CMTR1: variants seen among roughly 807,000 people sequenced by gnomAD.
CMTR1 encodes cap methyltransferase 1, also known as cap-specific mRNA (nucleoside-2'-O-)-methyltransferase 1.
Under a neutral mutation model 107.0 loss-of-function variants are expected in CMTR1, and 39 were observed. The ratio of observed to expected loss-of-function variants is 0.36; its 90% CI spans 0.28 to 0.48. The LOEUF (loss-of-function observed/expected upper bound fraction) is 0.48. Among genes scored for constraint, CMTR1 ranks in the 20% least tolerant of loss-of-function variants. The pLI, the probability that CMTR1 is intolerant of heterozygous loss-of-function variation, is 0.99. For synonymous variants in CMTR1, 366 were observed against 379.5 expected, an observed-to-expected ratio of 0.96 and a Z score of 0.41; for missense variants, 672 against 1,064.9, an observed-to-expected ratio of 0.63 and a Z score of 5.14.
intron 13 of CMTR1, among the ~76,000 whole-genome samples, chr6:37,465,446 T>G (rs967662217): frequency 1.3e-5 from 2 of 152,226 alleles, no homozygotes; most frequent in Admixed American, 6.5e-5. Flanking sequence ...TCAATATGTA[T>G]TTCTGTGACA....
At position 37,472,401 on chromosome 6, in the gene CMTR1, T is replaced by A. The variant is rs780532260; in HGVS notation, c.1621-18T>A. 4.3e-6 allele frequency: 7 copies of A among 1,613,898 alleles called. No individual in the cohort carries two copies. The Admixed American group carries it at 5.0e-5, about 12-fold the overall frequency. On this transcript the variant is annotated intron_variant, in intron 15 of 23. Coordinates refer to ENST00000373451, the MANE Select transcript of CMTR1 (RefSeq NM_015050.3). This position sits in a 1 kb window ranked among gnomAD's most constrained non-coding sequence, Gnocchi z 4.1. ...AAAGGGCATTTGAAAGTCAAAGCTCTTTGCTGTCTTATTTCAGATCCCAGA... is the reference window on the plus strand; with the variant it reads ...AAAGGGCATTTGAAAGTCAAAGCTCATTGCTGTCTTATTTCAGATCCCAGA...
At position 37,435,670 on chromosome 6, in the gene CMTR1, A is replaced by C; in HGVS notation, c.41A>C (p.Lys14Thr). 6.2e-7 allele frequency: 1 copy of C among 1,601,394 alleles called. No individual in the cohort carries two copies. Among genetic ancestry groups the C allele is most frequent in the South Asian group, 1.1e-5 (1 of 88,444 alleles). Residue 14 changes from lysine to threonine, a missense_variant, in exon 2 of 24, where the codon AAG becomes ACG. Physicochemically the swap from Lys to Thr is moderately conservative, Grantham distance 78. Around this residue, in one of 2 missense-constraint regions of CMTR1, gnomAD observed 89 missense variants for 96.6 expected, o/e 0.92. Transcript: ENST00000373451. Reference protein sequence around the residue: ...RTDPECTAPIKKQKKRVAELA... With the variant: ...RTDPECTAPITKQKKRVAELA... The stretch of plus-strand genomic sequence containing the variant: ...GACCCAGAATGCACTGCCCCCATCA[A>C]GAAACAGAAAAAAAGAGTTGCAGAG...
At chr6:37,478,876 C>T (rs1447483395) in intron 22 of CMTR1, among the ~76,000 whole-genome samples, 1 of 152,168 alleles carries the variant, frequency 6.6e-6, no homozygotes, top group Non-Finnish European at 1.5e-5. Context: ...CTCTGGCTAA[C>T]AGAGTCCTAC....
intron 4 of CMTR1, among the ~76,000 whole-genome samples, chr6:37,450,046 C>T (rs185007837): frequency 4.6e-5 from 7 of 152,260 alleles, no homozygotes; most frequent in South Asian, 2.1e-4. Context: ...GGATTCTAAC[C>T]AGAATTGGAG....
chr6:37,476,514 TTTAATTTTTTTTCAGG>T lies in CMTR1; in HGVS notation c.2105+322_2105+337del, dbSNP rs1451661363. 1.1e-4 allele frequency among the ~76,000 whole-genome samples: 16 copies of T among 152,320 alleles called. No homozygotes were observed. The East Asian group carries it at 2.5e-3, about 24-fold the overall frequency. ...GCATTGTTAGCACATTACCTGGCCT[TTTAATTTTTTTTCAGG>T]TAAGAAATGGGTGCTGAGGGAATAG... is the stretch of plus-strand genomic sequence containing the variant. On this transcript the variant is annotated intron_variant, in intron 20 of 23. Transcript: ENST00000373451.
intron 20 of CMTR1, among the ~76,000 whole-genome samples, chr6:37,476,826 T>C (rs1761747661): frequency 6.6e-6 from 1 of 152,274 alleles, no homozygotes; most frequent in Non-Finnish European, 1.5e-5. Flanking sequence ...ATTTACACTT[T>C]ATCCACATTG....
At chr6:37,447,890 A>G (rs1239804895) in intron 4 of CMTR1, among the ~76,000 whole-genome samples, 7 of 149,262 alleles carry the variant, frequency 4.7e-5, no homozygotes, top group African/African-American at 1.7e-4. Flanking sequence ...AAGCCCTATA[A>G]GTAAGTAAAC....
intron 1 of CMTR1, among the ~76,000 whole-genome samples, chr6:37,434,433 C>A (rs1227252425): frequency 6.6e-6 from 1 of 152,112 alleles, no homozygotes; most frequent in Non-Finnish European, 1.5e-5. Flanking sequence ...TTTCTGAGTT[C>A]TCTACAGCCA....
chr6:37,429,749 C>T (rs965502593), upstream of CMTR1, among the ~76,000 whole-genome samples: 1 of 152,096 alleles, frequency 6.6e-6, no homozygotes, highest in Non-Finnish European at 1.5e-5. Flanking sequence ...ACCAGCCTGG[C>T]CAATATGGTA....
Position 37,472,310 on chromosome 6 carries a change from C to A in CMTR1, c.1621-109C>A. Reference sequence around the variant, plus strand: ...TCAGCCTAGCCTCCTTTGTTGTGTGCCATTCCTCCTCCCCAGTCTGACCCT... The same window carrying A: ...TCAGCCTAGCCTCCTTTGTTGTGTGACATTCCTCCTCCCCAGTCTGACCCT... On this transcript the variant is annotated intron_variant, in intron 15 of 23. Coordinates refer to ENST00000373451, the MANE Select transcript of CMTR1 (RefSeq NM_015050.3). The surrounding 1 kb of genome is among the most constrained non-coding windows in gnomAD (Gnocchi z 4.1). 1.1e-6 allele frequency: 1 copy of A among 947,042 alleles called. No individual in the cohort carries two copies. The allele number at this position is 947,042 out of a possible 1,614,324, so 58.7% of individuals were successfully genotyped here. A position where few individuals can be genotyped will look rare whatever the true frequency, so the allele number is the denominator to read the frequency against.
upstream of CMTR1, among the ~76,000 whole-genome samples, chr6:37,431,816 T>G (rs2113857597): frequency 6.6e-6 from 1 of 152,104 alleles, no homozygotes; most frequent in East Asian, 1.9e-4. Flanking sequence ...ATGTTTTGTT[T>G]TGTTGTGTTC....
At chr6:37,441,950 G>A (rs554234690) in intron 2 of CMTR1, among the ~76,000 whole-genome samples, 1 of 152,282 alleles carries the variant, frequency 6.6e-6, no homozygotes, top group African/African-American at 2.4e-5. Context: ...CAGATTTTGT[G>A]CCTCTCATAC....
chr6:37,468,177 G>A lies in CMTR1; in HGVS notation c.1506-2844G>A, dbSNP rs1294650377. Among the ~76,000 whole-genome samples, 5 of 139,338 alleles carry A rather than the reference G, an allele frequency of 3.6e-5. No individual in the cohort carries two copies. The South Asian group carries it at 6.8e-4, about 19-fold the overall frequency. 91.4% of individuals were successfully genotyped at this position (139,338 alleles called of 152,430 possible). On this transcript the variant is annotated intron_variant, in intron 13 of 23. Transcript: ENST00000373451. Reference sequence around the variant, plus strand: ...TTAGATGCCTTTTTTTTTTTGCTATGTTTCAATTGTTGCTGTAGAGATTAC... The same window carrying A: ...TTAGATGCCTTTTTTTTTTTGCTATATTTCAATTGTTGCTGTAGAGATTAC...
At position 37,441,179 on chromosome 6, in the gene CMTR1, G is replaced by T. The variant is rs552230408; in HGVS notation, c.134-2820G>T. 1.2e-4 allele frequency among the ~76,000 whole-genome samples: 19 copies of T among 152,294 alleles called. 1 individual carries two copies. The South Asian group carries it at 3.5e-3, about 28-fold the overall frequency. ...AGGCATGAAAGCAACTGAGTGAAGA[G>T]AATCCATACCTTTGGAAGTGCAGTT... On this transcript the variant is annotated intron_variant, in intron 2 of 23. Coordinates refer to ENST00000373451, the MANE Select transcript of CMTR1 (RefSeq NM_015050.3).
chr6:37,424,673 ATTGT>A, the CMTR1 span, among the ~76,000 whole-genome samples: 1 of 152,138 alleles, frequency 6.6e-6, no homozygotes, highest in Non-Finnish European at 1.5e-5. Flanking sequence ...TACGCTAATA[ATTGT>A]TTTTTTTAAT....
Position 37,458,635 on chromosome 6 carries a change from A to G in CMTR1, c.801A>G (p.Glu267=), listed in dbSNP as rs748735804. Residue 267 remains glutamate, a synonymous_variant, in exon 9 of 24, where the codon GAA becomes GAG. Transcript: ENST00000373451. This position sits in a 1 kb window ranked among gnomAD's most constrained non-coding sequence, Gnocchi z 4.7. ...AGAAGCCACTGGTGAAGGACCGGGA[A>G]GCTGAGCTTCTGTACTTTGCTGATG... The part of the protein sequence containing the change: ...SYGKPLVKDR[E]AELLYFADVC... The G allele has an allele frequency of 6.2e-7, 1 of 1,613,632 alleles. No homozygotes were observed. The highest frequency in any genetic ancestry group is 8.5e-7 in the Non-Finnish European group (1 of 1,180,016).
At chr6:37,459,534 A>T (rs1364866240) in intron 9 of CMTR1, 32 bp from the exon 10 acceptor site, 1 of 1,582,580 alleles carries the variant, frequency 6.3e-7, no homozygotes, top group African/African-American at 1.3e-5. Context: ...TATAGGGCAG[A>T]TGAACTCACT....
chr6:37,481,178 GCCGA>G lies in CMTR1; in HGVS notation c.*1035_*1038del, dbSNP rs1406952970. On this transcript the variant is annotated 3_prime_UTR_variant, in exon 24 of 24. Coordinates refer to ENST00000373451, the MANE Select transcript of CMTR1 (RefSeq NM_015050.3). ...GGTCACTCCCATTTCCTTTATCTTG[GCCGA>G]CAACACAGAGAGGAGGGGGAGCTGG... The G allele has an allele frequency of 6.1e-6, 8 of 1,303,022 alleles. No individual in the cohort carries two copies. The highest frequency in any genetic ancestry group is 8.1e-6 in the Non-Finnish European group (8 of 988,576). The allele number at this position is 1,303,022 out of a possible 1,614,324, so 80.7% of individuals were successfully genotyped here.
intron 19 of CMTR1, chr6:37,475,738 C>T (rs764328255): frequency 2.0e-6 from 1 of 492,742 alleles, no homozygotes; most frequent in Non-Finnish European, 3.7e-6. Flanking sequence ...GAAGAAATAT[C>T]CTGTGCTTGA....
Sources: allele counts gnomAD v4.1 joint callset (sites outside exome capture counted in the v4.1 genomes callset), GRCh38; gene constraint gnomAD v4.1.1; regional missense constraint gnomAD v4.1.1; non-coding constraint Gnocchi (gnomAD v3.1); transcripts MANE v1.5; gene names NCBI Gene and HGNC (gene_info 2026-07-23, HGNC 2026-07-21).